ATE1: variants seen among roughly 807,000 people sequenced by gnomAD.
The protein encoded by ATE1 is arginyl-tRNA--protein transferase 1.
A neutral mutation model predicts 70.5 loss-of-function variants in ATE1; 36 were observed. That is an observed-to-expected ratio of 0.51 (90% confidence interval 0.39 to 0.67). The LOEUF (loss-of-function observed/expected upper bound fraction) is 0.67, where lower values mean the gene tolerates loss of function less well. Among genes scored for constraint, ATE1 ranks in the 30% least tolerant of loss-of-function variants. The pLI, the probability that ATE1 is intolerant of heterozygous loss-of-function variation, is 0.00. For synonymous variants in ATE1, 232 were observed against 219.3 expected (o/e 1.06, Z -0.51); for missense variants, 593 against 629.5 (o/e 0.94, Z 0.62).
intron 11 of ATE1, among the ~76,000 whole-genome samples, chr10:121,770,318 G>C (rs151090403): frequency 2.4e-4 from 36 of 150,724 alleles, no homozygotes; most frequent in African/African-American, 8.0e-4. Context: ...CAGAAAAAGA[G>C]AGAACTCACA....
intron 10 of ATE1, among the ~76,000 whole-genome samples, chr10:121,822,033 G>A (rs185674732): frequency 6.6e-5 from 10 of 152,154 alleles, no homozygotes; most frequent in Admixed American, 1.3e-4. Flanking sequence ...ATGATCTGGC[G>A]ACTCACACCC....
chr10:121,861,926 T>C (rs945592168), intron 8 of ATE1, among the ~76,000 whole-genome samples: 1 of 152,160 alleles, frequency 6.6e-6, no homozygotes, highest in Non-Finnish European at 1.5e-5. Context: ...CTGCTTCTGA[T>C]TCAATTCAGT....
chr10:121,848,387 C>T (rs1331986411), intron 8 of ATE1, among the ~76,000 whole-genome samples: 1 of 152,010 alleles, frequency 6.6e-6, no homozygotes, highest in South Asian at 2.1e-4. Flanking sequence ...GAGGCAGAGG[C>T]AGGCCGATCA....
In ATE1 at chr10:121,902,482, A is replaced by C; in HGVS notation, c.722T>G (p.Leu241Trp). The C allele has an allele frequency of 6.2e-7, 1 of 1,614,186 alleles. No homozygotes were observed. The highest frequency in any genetic ancestry group is 1.3e-5 in the African/African-American group (1 of 75,048). ...GTTGGATTTAGCCTTTGGTGGAAACAAAGATGGTGGGTGACCTTGAGCCTG... is the reference window on the plus strand; with the variant it reads ...GTTGGATTTAGCCTTTGGTGGAAACCAAGATGGTGGGTGACCTTGAGCCTG... ...GFQAQGHPPS[L>W]FPPKAKSNQP... The change falls in exon 6 of 12, where the codon TTG (leucine) becomes TGG (tryptophan). Residue 241 changes from leucine to tryptophan, a missense_variant. By Grantham distance (61) the Leu-to-Trp change is moderately conservative. Around this residue, in one of 3 missense-constraint regions of ATE1, gnomAD observed 467 missense variants for 469.6 expected, o/e 0.99. Transcript: ENST00000224652.
intron 10 of ATE1, among the ~76,000 whole-genome samples, chr10:121,811,219 TATGC>T (rs1947305767): frequency 6.6e-6 from 1 of 152,138 alleles, no homozygotes; most frequent in Non-Finnish European, 1.5e-5. Context: ...CAAAAAATAA[TATGC>T]ATGCATATGT....
intron 5 of ATE1, among the ~76,000 whole-genome samples, chr10:121,905,226 C>T (rs1043984064): frequency 6.6e-6 from 1 of 152,116 alleles, no homozygotes; most frequent in Non-Finnish European, 1.5e-5. Flanking sequence ...AATTAACTGC[C>T]ATTCAATTAG....
At chr10:121,909,667 A>G (rs1951343683) in intron 5 of ATE1, among the ~76,000 whole-genome samples, 1 of 152,180 alleles carries the variant, frequency 6.6e-6, no homozygotes, top group Non-Finnish European at 1.5e-5. Context: ...GACAAACTAT[A>G]AGTAATTTTA....
chr10:121,780,436 G>A (rs1270115196), intron 11 of ATE1, among the ~76,000 whole-genome samples: 28 of 152,128 alleles, frequency 1.8e-4, no homozygotes, highest in Non-Finnish European at 1.5e-5. Context: ...ACCCTAGTCT[G>A]TCAGACCATC....
intron 7 of ATE1, among the ~76,000 whole-genome samples, chr10:121,877,514 A>C (rs145334972): frequency 1.1e-4 from 16 of 152,228 alleles, no homozygotes; most frequent in Admixed American, 2.0e-4. Flanking sequence ...ATATATATAT[A>C]TCAAAAGACT....
rs974901743 is a variant in ATE1, at chr10:121,801,812, T to C, written c.1258-11523A>G. Among the ~76,000 whole-genome samples the C allele has an allele frequency of 9.2e-5, 14 of 152,216 alleles. 1 individual carries two copies. The highest frequency in any genetic ancestry group is 2.6e-4 in the Admixed American group (4 of 15,286). Reference sequence around the variant, plus strand: ...GGGGCTGACTCCAAGTTTTCTCCTTTGAATTCATCCATCCTCCTACTCCTG... The same window carrying C: ...GGGGCTGACTCCAAGTTTTCTCCTTCGAATTCATCCATCCTCCTACTCCTG... On this transcript the variant is annotated intron_variant, in intron 10 of 11. Coordinates refer to ENST00000224652, the MANE Select transcript of ATE1 (RefSeq NM_001001976.3).
At chr10:121,858,660 A>ATATATATAATATATATTT (rs1554913062) in intron 8 of ATE1, among the ~76,000 whole-genome samples, 2,744 of 139,186 alleles carry the variant, frequency 0.02, 93 homozygotes, top group African/African-American at 0.069. Flanking sequence ...TATACATATA[A>ATATATATAATATATATTT]TATATATATA....
At chr10:121,881,708 A>C (rs998472034) in intron 7 of ATE1, among the ~76,000 whole-genome samples, 16 of 151,878 alleles carry the variant, frequency 1.1e-4, no homozygotes, top group African/African-American at 3.1e-4. Context: ...ATCACAAATA[A>C]ATCTTTTCCC....
intron 6 of ATE1, among the ~76,000 whole-genome samples, chr10:121,901,757 T>C (rs1055226364): frequency 1.3e-5 from 2 of 152,154 alleles, no homozygotes; most frequent in African/African-American, 4.8e-5. Context: ...CATCCAGCCC[T>C]TGTTTTTGAA....
intron 8 of ATE1, among the ~76,000 whole-genome samples, chr10:121,859,398 A>G (rs907360372): frequency 4.0e-5 from 6 of 151,124 alleles, no homozygotes; most frequent in Non-Finnish European, 4.4e-5. Context: ...CTGGGACTAC[A>G]GGCGCCCACC....
At chr10:121,766,721 C>T (rs1945294277) in intron 11 of ATE1, among the ~76,000 whole-genome samples, 1 of 152,052 alleles carries the variant, frequency 6.6e-6, no homozygotes, top group African/African-American at 2.4e-5. Flanking sequence ...TCAAAAAACA[C>T]AAACTGCCAT....
chr10:121,748,533 T>A (rs1015933387), intron 11 of ATE1, among the ~76,000 whole-genome samples: 1 of 152,198 alleles, frequency 6.6e-6, no homozygotes, highest in Non-Finnish European at 1.5e-5. Flanking sequence ...AATTGGCTTA[T>A]GATGTCACTG....
At chr10:121,842,358 G>C (rs1948661625) in intron 8 of ATE1, among the ~76,000 whole-genome samples, 1 of 152,056 alleles carries the variant, frequency 6.6e-6, no homozygotes, top group Admixed American at 6.6e-5. Flanking sequence ...CTTTCCTGGA[G>C]ACTGAGTGAA....
At chr10:121,891,429 T>A (rs114534832) in intron 7 of ATE1, among the ~76,000 whole-genome samples, 2,420 of 152,274 alleles carry the variant, frequency 0.016, 58 homozygotes, top group African/African-American at 0.056. Context: ...ATATTGAATA[T>A]ACCTGGCTTG....
chr10:121,837,840 A>G (rs1948483783), intron 9 of ATE1, among the ~76,000 whole-genome samples: 1 of 152,266 alleles, frequency 6.6e-6, no homozygotes, highest in Non-Finnish European at 1.5e-5. Flanking sequence ...GCACTGACAC[A>G]AGCAAGCGTA....
Sources: gnomAD v4.1 joint callset for allele counts (sites outside exome capture counted in the v4.1 genomes callset) on GRCh38, gnomAD v4.1.1 for gene constraint, gnomAD v4.1.1 regional missense constraint, MANE v1.5 for transcripts, NCBI Gene and HGNC (gene_info 2026-07-23, HGNC 2026-07-21) for gene names.